Variants in NIPSNAP3B observed in about 807,000 individuals in gnomAD.
NIPSNAP3B encodes protein NipSnap homolog 3B.
In NIPSNAP3B, 30 loss-of-function variants were observed where a neutral mutation model predicts 31.5. The ratio of observed to expected loss-of-function variants is 0.95; its 90% CI spans 0.71 to 1.29. NIPSNAP3B has a LOEUF of 1.29. NIPSNAP3B is among the 50% of genes most tolerant of loss of function. The pLI, the probability that NIPSNAP3B is intolerant of heterozygous loss-of-function variation, is 0.00. For missense variants in NIPSNAP3B, 269 were observed against 300.7 expected (o/e 0.89, Z 0.78); for synonymous variants, 106 against 107.9 (o/e 0.98, Z 0.11).
Position 104,775,418 on chromosome 9 carries a change from C to A in NIPSNAP3B, c.*2345C>A, listed in dbSNP as rs959346203. Among the ~76,000 whole-genome samples the A allele has an allele frequency of 6.6e-6, 1 of 152,026 alleles. No homozygotes were observed. The highest frequency in any genetic ancestry group is 2.1e-4 in the South Asian group (1 of 4,832). ...CTTCTGGGAAGTTTCTTCGTTTCTC[C>A]GAAACACTCACTGCACAAGCCTTCA... On this transcript the variant is annotated 3_prime_UTR_variant, in exon 6 of 6. Transcript: ENST00000374762.
downstream of NIPSNAP3B, among the ~76,000 whole-genome samples, chr9:104,780,071 A>G (rs1283929999): frequency 4.6e-5 from 7 of 152,184 alleles, no homozygotes; most frequent in Non-Finnish European, 1.0e-4. Context: ...CATGGGTAAC[A>G]TATTTTCATC....
downstream of NIPSNAP3B, chr9:104,781,781 A>G (rs1828561108): frequency 6.6e-6 from 1 of 152,624 alleles, no homozygotes; most frequent in Admixed American, 6.5e-5. Context: ...TTGAACACGT[A>G]TTTTGAGAAT....
chr9:104,786,986 G>A, the NIPSNAP3B span: 1 of 1,607,228 alleles, frequency 6.2e-7, no homozygotes, highest in South Asian at 1.1e-5. Context: ...CCTGTAATTA[G>A]AATAAAATAA....
intron 4 of NIPSNAP3B, 45 bp from the exon 5 acceptor site, chr9:104,772,777 C>A: frequency 6.4e-7 from 1 of 1,568,880 alleles, no homozygotes; most frequent in Non-Finnish European, 8.7e-7. Flanking sequence ...TTCTTATTTG[C>A]TATTGCCATA....
downstream of NIPSNAP3B, among the ~76,000 whole-genome samples, chr9:104,779,702 CTTTTCTACAGATAGAAGAA>C (rs1162483190): frequency 6.6e-6 from 1 of 150,514 alleles, no homozygotes; most frequent in Non-Finnish European, 1.5e-5. Context: ...TTCTTTTGGG[CTTTTCTACAGATAGAAGAA>C]TGTTTTAGTC....
At position 104,774,639 on chromosome 9, in the gene NIPSNAP3B, G is replaced by A. The variant is rs1034518003; in HGVS notation, c.*1566G>A. On this transcript the variant is annotated 3_prime_UTR_variant, in exon 6 of 6. Transcript: ENST00000374762. ...ATCTTTTTTAATGGGTACACTCTACGTTACCTTAAAGGCTTCCCCGGTTTA... is the reference window on the plus strand; with the variant it reads ...ATCTTTTTTAATGGGTACACTCTACATTACCTTAAAGGCTTCCCCGGTTTA... 3.9e-5 allele frequency among the ~76,000 whole-genome samples: 6 copies of A among 152,032 alleles called. No homozygotes were observed. The highest frequency in any genetic ancestry group is 1.2e-4 in the African/African-American group (5 of 41,384).
At chr9:104,764,349 G>T in intron 1 of NIPSNAP3B, 49 bp downstream of exon 1, 1 of 1,470,820 alleles carries the variant, frequency 6.8e-7, no homozygotes, top group South Asian at 1.2e-5. Flanking sequence ...GGGAGGGGAG[G>T]GGCGGGGGGT....
rs1469372186 is a variant in NIPSNAP3B, at chr9:104,766,421, A to C, written c.157A>C (p.Met53Leu). 2 of 1,613,758 alleles carry C rather than the reference A, an allele frequency of 1.2e-6. No homozygotes were observed. The highest frequency in any genetic ancestry group is 1.7e-6 in the Non-Finnish European group (2 of 1,179,788). Residue 53 changes from methionine to leucine, a missense_variant, in exon 2 of 6, where the codon ATG (methionine) becomes CTG (leucine). Coordinates refer to ENST00000374762, the MANE Select transcript of NIPSNAP3B (RefSeq NM_018376.4). ...TAAACCTTCAAATATGAATGCGTTC[A>C]TGGAAAATCTTAAGAAAAACATTCA... ...YLKPSNMNAFMENLKKNIHLR... is the reference protein window; with the variant it reads ...YLKPSNMNAFLENLKKNIHLR...
At chr9:104,772,939 T>C in intron 5 of NIPSNAP3B, 31 bp downstream of exon 5, 4 of 1,613,932 alleles carry the variant, frequency 2.5e-6, no homozygotes, top group African/African-American at 1.3e-5. Context: ...CGAATTATTT[T>C]TAGAACAAAT....
At chr9:104,788,064 TAAAA>T in the NIPSNAP3B span, 1 of 1,614,082 alleles carries the variant, frequency 6.2e-7, no homozygotes, top group South Asian at 1.1e-5. Context: ...CCTACAGTGA[TAAAA>T]AGCACCTTGA....
the NIPSNAP3B span, among the ~76,000 whole-genome samples, chr9:104,790,731 G>A: frequency 6.6e-6 from 1 of 152,132 alleles, no homozygotes; most frequent in Non-Finnish European, 1.5e-5. Flanking sequence ...AGACTGAAAG[G>A]AAATGTAAAT....
the NIPSNAP3B span, chr9:104,786,450 T>A: frequency 7.1e-7 from 1 of 1,416,054 alleles, no homozygotes. Flanking sequence ...CATGAGAACA[T>A]CACCATGACT....
At chr9:104,779,421 C>G (rs960773241), downstream of NIPSNAP3B, among the ~76,000 whole-genome samples, 2 of 150,574 alleles carry the variant, frequency 1.3e-5, no homozygotes, top group African/African-American at 4.9e-5. Context: ...TTTACAAGGT[C>G]AATTTTAACT....
rs1021141249 is a variant in NIPSNAP3B at position 104,773,427 on chromosome 9, C to T, written c.*354C>T. ...AAGGATTTTACATTTCCTTGCCTGA[C>T]AGTATTTTTGAATTATTTATATAAA... On this transcript the variant is annotated 3_prime_UTR_variant, in exon 6 of 6. Coordinates refer to ENST00000374762, the MANE Select transcript of NIPSNAP3B (RefSeq NM_018376.4). The T allele has an allele frequency of 1.2e-5, 2 of 167,246 alleles. No homozygotes were observed. Among genetic ancestry groups the T allele is most frequent in the Admixed American group, 6.1e-5 (1 of 16,280 alleles). 10.4% of individuals were successfully genotyped at this position (167,246 alleles called of 1,614,324 possible).
chr9:104,781,869 T>G (rs886063293), downstream of NIPSNAP3B: 8 of 152,384 alleles, frequency 5.2e-5, no homozygotes, highest in East Asian at 1.5e-3. Context: ...TGGTAAAAAT[T>G]TCTACCACAA....
chr9:104,777,427 G>C lies in NIPSNAP3B; in HGVS notation c.*4354G>C, dbSNP rs890389500. 6.6e-6 allele frequency: 1 copy of C among 152,258 alleles called. No individual in the cohort carries two copies. Among genetic ancestry groups the C allele is most frequent in the Non-Finnish European group, 1.5e-5 (1 of 68,068 alleles). The allele number at this position is 152,258 out of a possible 1,614,324, so 9.4% of individuals were successfully genotyped here. ...CTATTCTCTAAGCACCTTCTTGAAA[G>C]AAGCACATTCCCCCAGGAGGAGGAA... is the stretch of plus-strand genomic sequence containing the variant. On this transcript the variant is annotated 3_prime_UTR_variant, in exon 6 of 6. Coordinates refer to ENST00000374762, the MANE Select transcript of NIPSNAP3B (RefSeq NM_018376.4).
the NIPSNAP3B span, chr9:104,787,768 G>A: frequency 1.3e-6 from 2 of 1,533,302 alleles, no homozygotes. Flanking sequence ...TGTGCCAAGG[G>A]AGAAGCTTCC....
Position 104,773,034 on chromosome 9 carries a change from T to G in NIPSNAP3B, c.705T>G (p.Asn235Lys), listed in dbSNP as rs778507463. ...TCAACTACCTAGTTTCTCAGCAGAA[T>G]ATGCTTCTGATTCCTGCATCATTTT... ...ESVNYLVSQQNMLLIPASFSP... is the reference protein window; with the variant it reads ...ESVNYLVSQQKMLLIPASFSP... Residue 235 changes from asparagine (N) to lysine (K), a missense_variant, in exon 6 of 6, where the codon AAT (asparagine) becomes AAG (lysine). By Grantham distance (94) the Asn-to-Lys change is moderately conservative. Coordinates refer to ENST00000374762, the MANE Select transcript of NIPSNAP3B (RefSeq NM_018376.4). 1.2e-6 allele frequency: 2 copies of G among 1,614,168 alleles called. No homozygotes were observed. The highest frequency in any genetic ancestry group is 1.7e-6 in the Non-Finnish European group (2 of 1,179,984).
chr9:104,770,036 A>G (rs10820726), intron 3 of NIPSNAP3B, among the ~76,000 whole-genome samples: 23,350 of 152,214 alleles, frequency 0.15, 2,244 homozygotes, highest in East Asian at 0.28. Context: ...TTAGATTATA[A>G]GAGATTTGAA....
Sources: allele counts gnomAD v4.1 joint callset (sites outside exome capture counted in the v4.1 genomes callset), GRCh38; gene constraint gnomAD v4.1.1; transcripts MANE v1.5; gene names NCBI Gene and HGNC (gene_info 2026-07-23, HGNC 2026-07-21).